PARP8: variants seen among roughly 807,000 people sequenced by gnomAD.
PARP8 encodes protein mono-ADP-ribosyltransferase PARP8.
A neutral mutation model predicts 124.1 loss-of-function variants in PARP8; 51 were observed. The observed-to-expected ratio is 0.41, with a 90% confidence interval of 0.33 to 0.52. The LOEUF (loss-of-function observed/expected upper bound fraction) is 0.52, where lower values mean the gene tolerates loss of function less well. Among genes scored for constraint, PARP8 ranks in the 20% least tolerant of loss-of-function variants. PARP8 has a pLI of 0.21. For synonymous variants in PARP8, 391 were observed against 361.5 expected, an observed-to-expected ratio of 1.08 and a Z score of -0.93; for missense variants, 860 against 1,018.9, an observed-to-expected ratio of 0.84 and a Z score of 2.12.
chr5:50,778,443 T>G, intron 8 of PARP8, 117 bp from the exon 9 acceptor site: 1 of 794,330 alleles, frequency 1.3e-6, no homozygotes, highest in Non-Finnish European at 2.0e-6. Context: ...TGAGATAACT[T>G]ATAGGCCTTC....
At chr5:50,833,510 C>T (rs1476753922) in intron 23 of PARP8, 4 of 344,242 alleles carry the variant, frequency 1.2e-5, no homozygotes, top group Non-Finnish European at 2.3e-5. Context: ...AATCTAATAT[C>T]TGAAAAAAAA....
intron 2 of PARP8, among the ~76,000 whole-genome samples, chr5:50,743,556 T>A (rs902708775): frequency 6.6e-6 from 1 of 151,934 alleles, no homozygotes; most frequent in Admixed American, 6.6e-5. Flanking sequence ...TGGAGTGAAT[T>A]TTCTTCTAGA....
At chr5:50,823,382 C>T (rs1745985378) in intron 17 of PARP8, among the ~76,000 whole-genome samples, 1 of 152,216 alleles carries the variant, frequency 6.6e-6, no homozygotes, top group African/African-American at 2.4e-5. Flanking sequence ...CGTTCATTCA[C>T]TCAATAAATA....
At chr5:50,816,584 A>G (rs1388646713) in intron 15 of PARP8, among the ~76,000 whole-genome samples, 1 of 152,152 alleles carries the variant, frequency 6.6e-6, no homozygotes, top group Non-Finnish European at 1.5e-5. Context: ...TTAGGGCAGT[A>G]TTTTTCATAT....
intron 12 of PARP8, among the ~76,000 whole-genome samples, chr5:50,796,458 C>T (rs1390283191): frequency 6.6e-6 from 1 of 152,148 alleles, no homozygotes; most frequent in Non-Finnish European, 1.5e-5. Context: ...AGAACAACTG[C>T]ACAGTGGAAT....
rs755834655 is a variant in PARP8, at chr5:50,747,149, TGTTTG to T, written c.147-3001_147-2997del. Among the ~76,000 whole-genome samples the T allele has an allele frequency of 6.6e-3, 743 of 111,880 alleles. 16 individuals carry two copies. Among genetic ancestry groups the T allele is most frequent in the South Asian group, 0.021 (71 of 3,436 alleles). 73.4% of individuals were successfully genotyped at this position (111,880 alleles called of 152,430 possible). A position where few individuals can be genotyped will look rare whatever the true frequency, so the allele number is the denominator to read the frequency against. On this transcript the variant is annotated intron_variant, in intron 2 of 25. Coordinates refer to ENST00000281631, the MANE Select transcript of PARP8 (RefSeq NM_024615.4). Reference sequence around the variant, plus strand: ...CTACTTATTCAGTTATGGTTTTTTTTGTTTGTTTGTTTTGTTTTTTTTTTTTTTTT... The same window carrying T: ...CTACTTATTCAGTTATGGTTTTTTTTTTTGTTTTGTTTTTTTTTTTTTTTT...
chr5:50,748,022 T>G (rs986480355), intron 2 of PARP8, among the ~76,000 whole-genome samples: 2 of 152,150 alleles, frequency 1.3e-5, no homozygotes, highest in African/African-American at 4.8e-5. Context: ...TCTTGTTCCA[T>G]TAACATTCAA....
chr5:50,844,040 G>A lies in PARP8; in HGVS notation c.*1972G>A, dbSNP rs1037675600. 6.6e-6 allele frequency: 1 copy of A among 151,654 alleles called. No individual in the cohort carries two copies. Among genetic ancestry groups the A allele is most frequent in the Non-Finnish European group, 1.5e-5 (1 of 67,776 alleles). The allele number at this position is 151,654 out of a possible 1,614,324, so 9.4% of individuals were successfully genotyped here. A position where few individuals can be genotyped will look rare whatever the true frequency, so the allele number is the denominator to read the frequency against. Reference sequence around the variant, plus strand: ...ATCCATTATGGCTTTACTTAACATTGGAGTGATCCGTAAAGAATATAGTAT... The same window carrying A: ...ATCCATTATGGCTTTACTTAACATTAGAGTGATCCGTAAAGAATATAGTAT... On this transcript the variant is annotated 3_prime_UTR_variant, in exon 26 of 26. Transcript: ENST00000281631.
Position 50,674,131 on chromosome 5 carries a change from A to T in PARP8, c.146+6006A>T, listed in dbSNP as rs113699119. Among the ~76,000 whole-genome samples, 4 of 152,334 alleles carry T rather than the reference A, an allele frequency of 2.6e-5. No individual in the cohort carries two copies. In the South Asian group the frequency reaches 8.3e-4, roughly 32 times the overall value. On this transcript the variant is annotated intron_variant, in intron 2 of 25. Coordinates refer to ENST00000281631, the MANE Select transcript of PARP8 (RefSeq NM_024615.4). ...TACTATCCTCATTTCACCATGACAT[A>T]AGTTGGGCTTTCTGTTCCAATTTAT...
chr5:50,759,821 A>C, intron 4 of PARP8, 89 bp downstream of exon 4: 1 of 1,346,642 alleles, frequency 7.4e-7, no homozygotes, highest in African/African-American at 1.6e-5. Flanking sequence ...TTAGCCAGTA[A>C]CAGATATTTA....
chr5:50,759,819 T>A, intron 4 of PARP8, 87 bp downstream of exon 4: 1 of 1,356,976 alleles, frequency 7.4e-7, no homozygotes, highest in Non-Finnish European at 9.8e-7. Flanking sequence ...ATTTAGCCAG[T>A]AACAGATATT....
intron 2 of PARP8, among the ~76,000 whole-genome samples, chr5:50,718,991 C>T (rs1374542413): frequency 6.6e-6 from 1 of 151,890 alleles, no homozygotes; most frequent in Non-Finnish European, 1.5e-5. Flanking sequence ...CCTGTCTTTT[C>T]AATAGAAGCC....
intron 19 of PARP8, 124 bp downstream of exon 19, chr5:50,826,927 T>C: frequency 5.2e-6 from 7 of 1,348,044 alleles, no homozygotes; most frequent in Non-Finnish European, 6.9e-6. Flanking sequence ...CCAGGTTAAA[T>C]ATAATTCTTT....
intron 2 of PARP8, among the ~76,000 whole-genome samples, chr5:50,747,245 A>G (rs1254335793): frequency 1.5e-5 from 2 of 137,102 alleles, no homozygotes; most frequent in East Asian, 4.4e-4. Flanking sequence ...TGGAGTTGGG[A>G]ACTCTTTTCA....
chr5:50,761,768 G>C, intron 5 of PARP8, 53 bp from the exon 6 acceptor site: 3 of 1,199,518 alleles, frequency 2.5e-6, no homozygotes, highest in Non-Finnish European at 3.6e-6. Flanking sequence ...TGCTATTTTA[G>C]AAAGGTAAAA....
At chr5:50,789,602 AT>A (rs990675242) in intron 10 of PARP8, among the ~76,000 whole-genome samples, 2 of 152,230 alleles carry the variant, frequency 1.3e-5, no homozygotes, top group African/African-American at 4.8e-5. Context: ...AAGCCACGCC[AT>A]TTGAACTGAA....
chr5:50,690,060 C>T (rs1417866446), intron 2 of PARP8, among the ~76,000 whole-genome samples: 1 of 152,220 alleles, frequency 6.6e-6, no homozygotes, highest in Non-Finnish European at 1.5e-5. Flanking sequence ...AGACTTTTCT[C>T]TCCTCTGCAA....
intron 2 of PARP8, among the ~76,000 whole-genome samples, chr5:50,699,321 G>T (rs189177046): frequency 1.3e-5 from 2 of 152,180 alleles, no homozygotes; most frequent in Admixed American, 6.5e-5. Flanking sequence ...CCCTTGCTAC[G>T]TAAGTCCGTT....
At position 50,668,108 on chromosome 5, in the gene PARP8, C is replaced by T; in HGVS notation, c.129C>T (p.Tyr43=). 1 of 1,611,616 alleles carries T rather than the reference C, an allele frequency of 6.2e-7. No homozygotes were observed. Among genetic ancestry groups the T allele is most frequent in the Non-Finnish European group, 8.5e-7 (1 of 1,179,598 alleles). ...CTGACTCCACCTTTACTTTTACCTA[C>T]GTTGGCGGCCCCAGAAGGTATTTAT... ...RYSDSTFTFT[Y]VGGPRSVSYS... is the part of the protein sequence containing the mutation. The change falls in exon 2 of 26, where the codon TAC becomes TAT. Residue 43 remains tyrosine (Y), a synonymous_variant. Coordinates refer to ENST00000281631, the MANE Select transcript of PARP8 (RefSeq NM_024615.4).
Sources: allele counts gnomAD v4.1 joint callset (sites outside exome capture counted in the v4.1 genomes callset), GRCh38; gene constraint gnomAD v4.1.1; transcripts MANE v1.5; gene names NCBI Gene and HGNC (gene_info 2026-07-23, HGNC 2026-07-21).